The following EPB41L5 variants were observed in gnomAD, a reference collection of about 807,000 sequenced individuals.
EPB41L5 encodes erythrocyte membrane protein band 4.1 like 5.
Under a neutral mutation model 106.6 loss-of-function variants are expected in EPB41L5, and 55 were observed. The observed-to-expected ratio is 0.52, with a 90% CI of 0.42 to 0.65. The LOEUF is 0.65. Ranked by LOEUF, EPB41L5 falls within the 30% of genes least tolerant of loss-of-function variation. The probability of loss-of-function intolerance (pLI) is 0.00; values close to 1 mark genes in which losing one functional copy is unlikely to be tolerated. For missense variants in EPB41L5, 871 were observed against 882.1 expected, an observed-to-expected ratio of 0.99 and a Z score of 0.16; for synonymous variants, 297 against 306.7, an observed-to-expected ratio of 0.97 and a Z score of 0.33.
At chr2:120,109,253 C>T (rs949387765) in intron 16 of EPB41L5, among the ~76,000 whole-genome samples, 1 of 152,106 alleles carries the variant, frequency 6.6e-6, no homozygotes, top group African/African-American at 2.4e-5. Context: ...AAATTTTGAC[C>T]ACTAAGCTCA....
At chr2:120,065,756 A>T (rs1681406294) in intron 3 of EPB41L5, among the ~76,000 whole-genome samples, 1 of 152,074 alleles carries the variant, frequency 6.6e-6, no homozygotes, top group South Asian at 2.1e-4. Flanking sequence ...ACCTCAGGTG[A>T]TTGCCCGCTT....
At chr2:120,108,271 C>T (rs1684563591) in intron 16 of EPB41L5, 1 of 151,996 alleles carries the variant, frequency 6.6e-6, no homozygotes, top group Admixed American at 6.6e-5. Flanking sequence ...CAGTGTTTTC[C>T]AAGGATTGTG....
chr2:120,016,649 G>A (rs1007848455), intron 1 of EPB41L5, among the ~76,000 whole-genome samples: 1 of 151,610 alleles, frequency 6.6e-6, no homozygotes, highest in Non-Finnish European at 1.5e-5. Flanking sequence ...GGACTTTTTC[G>A]TATCTTGCTC....
chr2:120,139,353 G>T (rs1686074573), intron 18 of EPB41L5, among the ~76,000 whole-genome samples: 1 of 151,916 alleles, frequency 6.6e-6, no homozygotes, highest in South Asian at 2.1e-4. Context: ...AAAAGTTCCT[G>T]CACAGCAAAG....
In EPB41L5 at chr2:120,128,256, A is replaced by AACACACACACACACAC. The variant is rs3084679; in HGVS notation, c.1501+425_1501+440dup. On this transcript the variant is annotated intron_variant, in intron 17 of 24. Transcript: ENST00000263713. ...TAACACAGAAAGAATGGTGCTTTAAAACACACACACACACACACACACACA... is the reference window on the plus strand; with the variant it reads ...TAACACAGAAAGAATGGTGCTTTAAAACACACACACACACACACACACACACACACACACACACACA... 9.1e-3 allele frequency among the ~76,000 whole-genome samples: 1,326 copies of AACACACACACACACAC among 145,412 alleles called. 13 individuals carry two copies. The highest frequency in any genetic ancestry group is 0.028 in the East Asian group (141 of 4,958).
chr2:120,162,214 C>T (rs1687165291), intron 21 of EPB41L5, among the ~76,000 whole-genome samples: 1 of 152,218 alleles, frequency 6.6e-6, no homozygotes, highest in African/African-American at 2.4e-5. Context: ...TCACTAATTG[C>T]ACTGCAGCAT....
chr2:120,030,198 C>A (rs573893884), intron 2 of EPB41L5, among the ~76,000 whole-genome samples: 2 of 152,308 alleles, frequency 1.3e-5, no homozygotes, highest in South Asian at 2.1e-4. Context: ...CCCGAAAAGA[C>A]CCCCTTCTTG....
intron 24 of EPB41L5, among the ~76,000 whole-genome samples, chr2:120,171,382 C>T (rs949299074): frequency 6.6e-6 from 1 of 152,128 alleles, no homozygotes; most frequent in African/African-American, 2.4e-5. Context: ...GTATTTATGC[C>T]CATTTCACTC....
rs537033544 is a variant in EPB41L5 at position 120,117,552 on chromosome 2, A to C, written c.1338-10136A>C. Among the ~76,000 whole-genome samples the C allele has an allele frequency of 8.5e-5, 13 of 152,312 alleles. 1 individual carries two copies. In the South Asian group the frequency reaches 2.7e-3, roughly 32 times the overall value. On this transcript the variant is annotated intron_variant, in intron 16 of 24. Transcript: ENST00000263713. ...GAGTATGAGAGTGCTTCTACCTCTC[A>C]TAGCCTCACTGACAAAGGATCAAGA... is the stretch of plus-strand genomic sequence containing the variant.
intron 2 of EPB41L5, among the ~76,000 whole-genome samples, chr2:120,026,706 G>A (rs1363029560): frequency 6.6e-6 from 1 of 152,090 alleles, no homozygotes; most frequent in Non-Finnish European, 1.5e-5. Context: ...AAAAGCATGA[G>A]CAACTAAAGA....
Position 120,163,259 on chromosome 2 carries a change from C to CG in EPB41L5, c.1888-1577_1888-1576insG, listed in dbSNP as rs1491109422. Among the ~76,000 whole-genome samples, 4 of 41,256 alleles carry CG rather than the reference C, an allele frequency of 9.7e-5. No individual in the cohort carries two copies. The East Asian group carries it at 1.4e-3, about 14-fold the overall frequency. 27.1% of individuals were successfully genotyped at this position (41,256 alleles called of 152,430 possible). A position where few individuals can be genotyped will look rare whatever the true frequency, so the allele number is the denominator to read the frequency against. ...GACAGAGCAAGACCGTGTCCCTCTGCCCCCCCCCCCCCCAAAAAAAGAAAG... is the reference window on the plus strand; with the variant it reads ...GACAGAGCAAGACCGTGTCCCTCTGCGCCCCCCCCCCCCCAAAAAAAGAAAG... On this transcript the variant is annotated intron_variant, in intron 21 of 24. Transcript: ENST00000263713.
rs1487519992 is a variant in EPB41L5, at chr2:120,019,387, A to G, written c.180+123A>G. The G allele has an allele frequency of 5.2e-6, 4 of 776,564 alleles. No homozygotes were observed. In the African/African-American group the frequency reaches 8.2e-5, roughly 16 times the overall value. 48.1% of individuals were successfully genotyped at this position (776,564 alleles called of 1,614,324 possible). On this transcript the variant is annotated intron_variant, in intron 2 of 24. Coordinates refer to ENST00000263713, the MANE Select transcript of EPB41L5 (RefSeq NM_020909.4). ...GTAAAGGTATTATGGGTTAGTATAG[A>G]TCAGGCACTGTAACATTCAGGTACA...
chr2:120,118,187 A>G (rs943415562), intron 16 of EPB41L5, among the ~76,000 whole-genome samples: 2 of 152,232 alleles, frequency 1.3e-5, no homozygotes, highest in Non-Finnish European at 2.9e-5. Flanking sequence ...GGTTTAAGAT[A>G]GGAGTAATGA....
At chr2:120,170,622 T>C (rs1181150408) in intron 24 of EPB41L5, among the ~76,000 whole-genome samples, 1 of 152,226 alleles carries the variant, frequency 6.6e-6, no homozygotes, top group East Asian at 1.9e-4. Flanking sequence ...GTCACAATCT[T>C]GTATAGTCTA....
chr2:120,131,113 G>A (rs77874171), intron 17 of EPB41L5, among the ~76,000 whole-genome samples: 3,313 of 152,224 alleles, frequency 0.022, 118 homozygotes, highest in African/African-American at 0.075. Flanking sequence ...CTTGTCTTGC[G>A]TCACACCTGA....
rs6757547 is a variant in EPB41L5, at chr2:120,051,633, C to T, written c.285+9523C>T. Reference sequence around the variant, plus strand: ...GCTAGGAAAGGGAATTCCCTGACTCCTTGCGCTTCCCGGGTGAGGCGATGC... The same window carrying T: ...GCTAGGAAAGGGAATTCCCTGACTCTTTGCGCTTCCCGGGTGAGGCGATGC... On this transcript the variant is annotated intron_variant, in intron 3 of 24. Transcript: ENST00000263713. Among the ~76,000 whole-genome samples the T allele has an allele frequency of 5.3e-3, 802 of 152,336 alleles. 4 individuals are homozygous for T. Among genetic ancestry groups the T allele is most frequent in the African/African-American group, 0.019 (772 of 41,576 alleles).
chr2:120,037,439 C>T (rs1038457333), intron 2 of EPB41L5, among the ~76,000 whole-genome samples: 1 of 152,074 alleles, frequency 6.6e-6, no homozygotes, highest in African/African-American at 2.4e-5. Flanking sequence ...CTGAAGGGAG[C>T]CAAAACAATC....
intron 17 of EPB41L5, chr2:120,128,200 GATT>G (rs1685541681): frequency 6.5e-6 from 1 of 154,296 alleles, no homozygotes; most frequent in Admixed American, 6.5e-5. Context: ...TATTAATGAG[GATT>G]ATTATTGCCT....
intron 1 of EPB41L5, 51 bp downstream of exon 1, chr2:120,013,261 A>G: frequency 6.6e-6 from 1 of 151,832 alleles, no homozygotes; most frequent in Non-Finnish European, 1.5e-5. Flanking sequence ...CTGCGCTCCT[A>G]GCCGAGTGGA....
Sources: allele counts gnomAD v4.1 joint callset (sites outside exome capture counted in the v4.1 genomes callset), GRCh38; gene constraint gnomAD v4.1.1; transcripts MANE v1.5; gene names NCBI Gene and HGNC (gene_info 2026-07-23, HGNC 2026-07-21).